MDGA2: variants seen among roughly 807,000 people sequenced by gnomAD.
MDGA2 encodes the protein MAM domain-containing glycosylphosphatidylinositol anchor protein 2.
Under a neutral mutation model 117.8 loss-of-function variants are expected in MDGA2, and 40 were observed. The ratio of observed to expected loss-of-function variants is 0.34; its 90% CI spans 0.26 to 0.44. The LOEUF (loss-of-function observed/expected upper bound fraction) is 0.44. Ranked by LOEUF, MDGA2 falls within the 20% of genes least tolerant of loss-of-function variation. The probability of loss-of-function intolerance (pLI) is 1.00; values close to 1 mark genes in which losing one functional copy is unlikely to be tolerated. For missense variants in MDGA2, 1,123 were observed against 1,250.6 expected (o/e 0.90, Z 1.54); for synonymous variants, 452 against 439.0 (o/e 1.03, Z -0.37).
intron 1 of MDGA2, among the ~76,000 whole-genome samples, chr14:47,456,712 C>T (rs1459200813): frequency 6.6e-6 from 1 of 152,020 alleles, no homozygotes; most frequent in African/African-American, 2.4e-5. Context: ...TAAATAAATG[C>T]ACACGATTAA....
At chr14:47,014,044 C>T (rs1250732816) in intron 8 of MDGA2, among the ~76,000 whole-genome samples, 1 of 151,834 alleles carries the variant, frequency 6.6e-6, no homozygotes, top group Non-Finnish European at 1.5e-5. Flanking sequence ...ATCTGCCCAC[C>T]TTGTCCTCCC....
At chr14:47,360,752 T>C (rs1321517149) in intron 1 of MDGA2, among the ~76,000 whole-genome samples, 1 of 152,146 alleles carries the variant, frequency 6.6e-6, no homozygotes, top group African/African-American at 2.4e-5. Flanking sequence ...AATCAGCACC[T>C]TGTAGAGATA....
chr14:47,304,710 T>C (rs1210313797), intron 1 of MDGA2, among the ~76,000 whole-genome samples: 1 of 152,070 alleles, frequency 6.6e-6, no homozygotes, highest in Non-Finnish European at 1.5e-5. Flanking sequence ...TTTCATAGAG[T>C]CCTAATCGCT....
At chr14:47,487,925 T>C (rs1566481306) in intron 1 of MDGA2, among the ~76,000 whole-genome samples, 2 of 152,160 alleles carry the variant, frequency 1.3e-5, no homozygotes, top group Admixed American at 1.3e-4. Context: ...TATTTTTATG[T>C]ATCATACCAG....
intron 1 of MDGA2, among the ~76,000 whole-genome samples, chr14:47,598,992 TA>T (rs1896596159): frequency 1.3e-5 from 2 of 152,204 alleles, no homozygotes; most frequent in South Asian, 4.1e-4. Flanking sequence ...ACCTAGTGAA[TA>T]TATACCTAGT....
At chr14:47,289,824 T>C (rs1888818900) in intron 2 of MDGA2, among the ~76,000 whole-genome samples, 2 of 152,126 alleles carry the variant, frequency 1.3e-5, no homozygotes, top group South Asian at 4.1e-4. Context: ...TTAAAATACA[T>C]AGATTTCACA....
chr14:46,928,826 A>G (rs1437940654), intron 9 of MDGA2, among the ~76,000 whole-genome samples: 1 of 152,066 alleles, frequency 6.6e-6, no homozygotes, highest in Non-Finnish European at 1.5e-5. Flanking sequence ...TTACAAAAAC[A>G]TATCATAATT....
chr14:46,970,812 A>G (rs988582759), intron 8 of MDGA2, among the ~76,000 whole-genome samples: 2 of 152,268 alleles, frequency 1.3e-5, no homozygotes, highest in East Asian at 1.9e-4. Flanking sequence ...GATAATATCT[A>G]GAATATACAA....
At chr14:47,568,691 T>C (rs571030262) in intron 1 of MDGA2, among the ~76,000 whole-genome samples, 1 of 152,344 alleles carries the variant, frequency 6.6e-6, no homozygotes, top group African/African-American at 2.4e-5. Context: ...AAATTATCTT[T>C]CTGCCAATCG....
chr14:46,847,657 T>C (rs917396381), intron 15 of MDGA2, among the ~76,000 whole-genome samples: 1 of 152,004 alleles, frequency 6.6e-6, no homozygotes, highest in East Asian at 1.9e-4. Flanking sequence ...GAGAATTGAA[T>C]ATGAAGAAAG....
At chr14:46,959,449 A>G (rs1047304971) in intron 8 of MDGA2, among the ~76,000 whole-genome samples, 23 of 151,892 alleles carry the variant, frequency 1.5e-4, no homozygotes, top group African/African-American at 5.6e-4. Flanking sequence ...TACTTTCAGT[A>G]TCTTTAAATT....
intron 8 of MDGA2, among the ~76,000 whole-genome samples, chr14:46,971,638 T>C (rs1348947038): frequency 2.0e-5 from 3 of 151,984 alleles, no homozygotes; most frequent in African/African-American, 7.2e-5. Context: ...ACCCCAATAC[T>C]TGATAGCAGA....
At chr14:47,133,602 C>T (rs1226177932) in intron 4 of MDGA2, among the ~76,000 whole-genome samples, 1 of 151,924 alleles carries the variant, frequency 6.6e-6, no homozygotes, top group African/African-American at 2.4e-5. Flanking sequence ...AGCCCCATTT[C>T]CAGAATTCTC....
intron 5 of MDGA2, among the ~76,000 whole-genome samples, chr14:47,113,053 G>A (rs189456952): frequency 4.0e-4 from 61 of 152,182 alleles, no homozygotes; most frequent in Middle Eastern, 3.4e-3. Context: ...TTTGAGAGGT[G>A]TCTGTTCATG....
rs752690228 is a variant in MDGA2, at chr14:47,512,720, TC to T, written c.280+161796del. On this transcript the variant is annotated intron_variant, in intron 1 of 16. Coordinates refer to ENST00000399232, the MANE Select transcript of MDGA2 (RefSeq NM_001113498.3). The stretch of plus-strand genomic sequence containing the variant: ...GATGTCAGTCTCTTATAAAGTAGAT[TC>T]CCTATAGAGCCACTCAAAATCCATG... Among the ~76,000 whole-genome samples, 60 of 152,080 alleles carry T rather than the reference TC, an allele frequency of 3.9e-4. 2 individuals are homozygous for T. Among genetic ancestry groups the T allele is most frequent in the Non-Finnish European group, 7.5e-4 (51 of 68,002 alleles).
intron 3 of MDGA2, among the ~76,000 whole-genome samples, chr14:47,211,663 CTGTT>C (rs562632993): frequency 8.6e-4 from 131 of 152,306 alleles, no homozygotes; most frequent in South Asian, 2.3e-3. Flanking sequence ...TTGTCCAAGG[CTGTT>C]TGTTACACAA....
At chr14:47,137,818 T>C (rs1882531044) in intron 4 of MDGA2, among the ~76,000 whole-genome samples, 1 of 152,098 alleles carries the variant, frequency 6.6e-6, no homozygotes, top group Non-Finnish European at 1.5e-5. Context: ...ATCATGGGAT[T>C]GGAGAGTTGT....
chr14:47,309,982 G>A (rs1889582600), intron 1 of MDGA2, among the ~76,000 whole-genome samples: 1 of 151,980 alleles, frequency 6.6e-6, no homozygotes, highest in Non-Finnish European at 1.5e-5. Context: ...TATCTTGTTT[G>A]ACAAGTATTA....
intron 1 of MDGA2, among the ~76,000 whole-genome samples, chr14:47,480,815 C>A (rs1162814355): frequency 6.6e-6 from 1 of 151,730 alleles, no homozygotes; most frequent in Non-Finnish European, 1.5e-5. Context: ...ATTGTAAATT[C>A]TTCTGTAATA....
Sources: allele counts gnomAD v4.1 joint callset (sites outside exome capture counted in the v4.1 genomes callset), GRCh38; gene constraint gnomAD v4.1.1; transcripts MANE v1.5; gene names NCBI Gene and HGNC (gene_info 2026-07-23, HGNC 2026-07-21).